Variants in CRPPA observed in about 807,000 individuals in gnomAD.
CRPPA encodes the protein D-ribitol-5-phosphate cytidylyltransferase.
A neutral mutation model predicts 52.0 loss-of-function variants in CRPPA; 43 were observed. That is an observed-to-expected ratio of 0.83 (90% CI 0.65 to 1.07). The LOEUF is 1.07. Among genes scored for constraint, CRPPA ranks in the 50% least tolerant of loss-of-function variants. The pLI, the probability that CRPPA is intolerant of heterozygous loss-of-function variation, is 0.00. For synonymous variants in CRPPA, 250 were observed against 203.5 expected (o/e 1.23, Z -1.94); for missense variants, 629 against 551.7 (o/e 1.14, Z -1.40).
intron 5 of CRPPA, among the ~76,000 whole-genome samples, chr7:16,287,615 G>GA (rs1784477363): frequency 6.6e-6 from 1 of 152,022 alleles, no homozygotes; most frequent in Non-Finnish European, 1.5e-5. Context: ...GGCCCTTATA[G>GA]GAAAAAGAAA....
At chr7:16,371,261 T>G (rs1450968400) in intron 3 of CRPPA, among the ~76,000 whole-genome samples, 1 of 152,084 alleles carries the variant, frequency 6.6e-6, no homozygotes, top group Non-Finnish European at 1.5e-5. Context: ...CTGAATCAAC[T>G]CAGTAAATAA....
At chr7:16,204,446 ATG>A (rs1195418326) in intron 9 of CRPPA, among the ~76,000 whole-genome samples, 1 of 152,114 alleles carries the variant, frequency 6.6e-6, no homozygotes, top group Non-Finnish European at 1.5e-5. Context: ...AAAGAGGGGA[ATG>A]ATAGACATTG....
At chr7:16,136,123 A>G (rs1447378739) in intron 9 of CRPPA, among the ~76,000 whole-genome samples, 1 of 152,210 alleles carries the variant, frequency 6.6e-6, no homozygotes, top group Non-Finnish European at 1.5e-5. Context: ...GTAATACTTG[A>G]AACCAACTAA....
chr7:16,126,151 C>T, intron 9 of CRPPA, among the ~76,000 whole-genome samples: 1 of 151,972 alleles, frequency 6.6e-6, no homozygotes, highest in South Asian at 2.1e-4. Flanking sequence ...ATATCCTGTG[C>T]CAGTCTTCGA....
intron 2 of CRPPA, among the ~76,000 whole-genome samples, chr7:16,400,548 C>G (rs541492465): frequency 1.8e-4 from 28 of 152,344 alleles, no homozygotes; most frequent in African/African-American, 6.7e-4. Flanking sequence ...GACACGTCGA[C>G]ACGATCGACA....
chr7:16,296,057 GTAAT>G (rs888131411), intron 5 of CRPPA, among the ~76,000 whole-genome samples: 2 of 152,056 alleles, frequency 1.3e-5, no homozygotes, highest in African/African-American at 4.8e-5. Context: ...TAACAAATTT[GTAAT>G]TAATTATATT....
intron 9 of CRPPA, among the ~76,000 whole-genome samples, chr7:16,150,074 T>C (rs1055057211): frequency 6.6e-6 from 1 of 152,068 alleles, no homozygotes; most frequent in Non-Finnish European, 1.5e-5. Flanking sequence ...TGAGACATTA[T>C]GTGTACAACG....
intron 3 of CRPPA, among the ~76,000 whole-genome samples, chr7:16,371,886 A>G (rs951995574): frequency 6.6e-6 from 1 of 152,176 alleles, no homozygotes; most frequent in East Asian, 1.9e-4. Flanking sequence ...ACTTCTGAAA[A>G]GGAAAGACAC....
At chr7:16,321,175 T>C (rs1785257343) in intron 3 of CRPPA, among the ~76,000 whole-genome samples, 1 of 152,076 alleles carries the variant, frequency 6.6e-6, no homozygotes, top group African/African-American at 2.4e-5. Flanking sequence ...AGAGTCCAAA[T>C]AATTGGGGGA....
intron 3 of CRPPA, among the ~76,000 whole-genome samples, chr7:16,333,741 C>A (rs1454805588): frequency 6.6e-6 from 1 of 152,112 alleles, no homozygotes; most frequent in Non-Finnish European, 1.5e-5. Context: ...ATTTCTTTAG[C>A]TTCTCCCCCA....
At position 16,421,169 on chromosome 7, in the gene CRPPA, G is replaced by T; in HGVS notation, c.154C>A (p.Pro52Thr). 7.5e-7 allele frequency: 1 copy of T among 1,339,432 alleles called. No homozygotes were observed. 83.0% of individuals were successfully genotyped at this position (1,339,432 alleles called of 1,614,324 possible). A position where few individuals can be genotyped will look rare whatever the true frequency, so the allele number is the denominator to read the frequency against. The change falls in exon 1 of 10, where the codon CCT becomes ACT. Residue 52 changes from proline (P) to threonine (T), a missense_variant. Coordinates refer to ENST00000407010, the MANE Select transcript of CRPPA (RefSeq NM_001101426.4). ...ATCCTCTCCCCGCACCCCCCGGCAGGCAACACAGCTGCCACGGCTTGCGGG... is the reference window on the plus strand; with the variant it reads ...ATCCTCTCCCCGCACCCCCCGGCAGTCAACACAGCTGCCACGGCTTGCGGG... Reference protein sequence around the residue: ...RHPQAVAAVLPAGGCGERMGV... With the variant: ...RHPQAVAAVLTAGGCGERMGV...
chr7:16,338,531 C>T (rs188305741), intron 3 of CRPPA, among the ~76,000 whole-genome samples: 160 of 140,026 alleles, frequency 1.1e-3, no homozygotes, highest in African/African-American at 3.6e-3. Context: ...ATTAACCTGG[C>T]TAAGAAAAAA....
At chr7:16,104,148 G>A (rs1423079982) in intron 9 of CRPPA, among the ~76,000 whole-genome samples, 3 of 152,144 alleles carry the variant, frequency 2.0e-5, no homozygotes, top group Non-Finnish European at 4.4e-5. Flanking sequence ...TTACCATTAT[G>A]TTAGAAATTA....
intron 8 of CRPPA, among the ~76,000 whole-genome samples, chr7:16,243,580 G>A (rs1346962524): frequency 1.3e-5 from 2 of 152,122 alleles, no homozygotes; most frequent in African/African-American, 4.8e-5. Context: ...AATAATGACT[G>A]AAGAGATGGT....
intron 9 of CRPPA, among the ~76,000 whole-genome samples, chr7:16,136,769 G>C (rs533776102): frequency 2.6e-5 from 4 of 152,234 alleles, no homozygotes; most frequent in African/African-American, 7.2e-5. Context: ...GAGAGTAGTA[G>C]GAAGTTTATA....
chr7:16,309,121 T>G (rs1054754573), intron 3 of CRPPA, among the ~76,000 whole-genome samples: 2 of 151,572 alleles, frequency 1.3e-5, no homozygotes, highest in African/African-American at 4.8e-5. Flanking sequence ...ATTTACATTT[T>G]GTTTATAAAC....
At chr7:16,268,320 C>T (rs767886179) in intron 6 of CRPPA, among the ~76,000 whole-genome samples, 4 of 151,914 alleles carry the variant, frequency 2.6e-5, no homozygotes, top group Non-Finnish European at 5.9e-5. Context: ...AATAGCTTAC[C>T]GAAGAGTCCT....
chr7:16,228,528 T>A (rs902262106), intron 8 of CRPPA, among the ~76,000 whole-genome samples: 9 of 152,068 alleles, frequency 5.9e-5, no homozygotes, highest in Non-Finnish European at 7.4e-5. Context: ...AGGAATTTTT[T>A]AATTATAACT....
At chr7:16,151,563 T>C (rs549406916) in intron 9 of CRPPA, among the ~76,000 whole-genome samples, 1 of 152,072 alleles carries the variant, frequency 6.6e-6, no homozygotes, top group South Asian at 2.1e-4. Context: ...AAAACATTCA[T>C]TGTAGATGGG....
Sources: gnomAD v4.1 joint callset for allele counts (sites outside exome capture counted in the v4.1 genomes callset) on GRCh38, gnomAD v4.1.1 for gene constraint, MANE v1.5 for transcripts, NCBI Gene and HGNC (gene_info 2026-07-23, HGNC 2026-07-21) for gene names.